The following EREG variants were observed in gnomAD, a reference collection of about 807,000 sequenced individuals.
EREG encodes the protein epiregulin.
In EREG, 23 loss-of-function variants were observed where a neutral mutation model predicts 22.4. That is an observed-to-expected ratio of 1.03 (90% CI 0.74 to 1.46). The LOEUF (loss-of-function observed/expected upper bound fraction) is 1.46, where lower values mean the gene tolerates loss of function less well. Ranked by LOEUF, EREG falls within the 40% of genes most tolerant of loss-of-function variation. The probability of loss-of-function intolerance (pLI) is 0.00; values close to 1 mark genes in which losing one functional copy is unlikely to be tolerated. For synonymous variants in EREG, 100 were observed against 75.4 expected, an observed-to-expected ratio of 1.33 and a Z score of -1.69; for missense variants, 226 against 205.9, an observed-to-expected ratio of 1.10 and a Z score of -0.60.
chr4:74,369,154 A>G (rs1211842825), intron 1 of EREG, among the ~76,000 whole-genome samples: 1 of 152,134 alleles, frequency 6.6e-6, no homozygotes, highest in Non-Finnish European at 1.5e-5. Flanking sequence ...CTCCTTTTTT[A>G]AAAATTTCAG....
chr4:74,387,593 A>G lies in EREG; in HGVS notation c.*2785A>G, dbSNP rs1752593148. ...TGGGTGAAAATAAGACAAAAATAAT[A>G]GTTTTAGTGAGGATGGTGCTGAGTA... On this transcript the variant is annotated 3_prime_UTR_variant, in exon 5 of 5. Transcript: ENST00000244869. The G allele has an allele frequency of 6.6e-6, 1 of 152,238 alleles. No individual in the cohort carries two copies. The highest frequency in any genetic ancestry group is 2.4e-5 in the African/African-American group (1 of 41,464). The allele number at this position is 152,238 out of a possible 1,614,324, so 9.4% of individuals were successfully genotyped here. A position where few individuals can be genotyped will look rare whatever the true frequency, so the allele number is the denominator to read the frequency against.
chr4:74,387,953 A>G lies in EREG; in HGVS notation c.*3145A>G, dbSNP rs1752599285. 1 of 152,212 alleles carries G rather than the reference A, an allele frequency of 6.6e-6. No homozygotes were observed. The highest frequency in any genetic ancestry group is 2.4e-5 in the African/African-American group (1 of 41,454). 9.4% of individuals were successfully genotyped at this position (152,212 alleles called of 1,614,324 possible). A position where few individuals can be genotyped will look rare whatever the true frequency, so the allele number is the denominator to read the frequency against. The stretch of plus-strand genomic sequence containing the variant: ...ATATTATATTAAACATACATAATAC[A>G]ATGTAACTCCACTGTTCTCCTGAAT... On this transcript the variant is annotated 3_prime_UTR_variant, in exon 5 of 5. Coordinates refer to ENST00000244869, the MANE Select transcript of EREG (RefSeq NM_001432.3).
At chr4:74,384,559 T>C (rs895669886) in intron 4 of EREG, among the ~76,000 whole-genome samples, 168 bp from the exon 5 acceptor site, 58 of 130,970 alleles carry the variant, frequency 4.4e-4, no homozygotes, top group African/African-American at 1.5e-3. Flanking sequence ...GCACATCACC[T>C]CTTCATCCCT....
At chr4:74,373,751 TAC>T (rs138641027) in intron 1 of EREG, among the ~76,000 whole-genome samples, 3,495 of 146,996 alleles carry the variant, frequency 0.024, 120 homozygotes, top group African/African-American at 0.077. Flanking sequence ...TATATATCTA[TAC>T]ACACACACAC....
At chr4:74,367,593 T>A (rs1752208854) in intron 1 of EREG, among the ~76,000 whole-genome samples, 1 of 152,192 alleles carries the variant, frequency 6.6e-6, no homozygotes, top group African/African-American at 2.4e-5. Flanking sequence ...TCGTACTTCA[T>A]CAATGAGAGA....
intron 1 of EREG, among the ~76,000 whole-genome samples, chr4:74,368,812 G>A (rs917273548): frequency 1.3e-5 from 2 of 151,562 alleles, no homozygotes; most frequent in African/African-American, 2.4e-5. Context: ...ACATTCCATC[G>A]GGAGACAATG....
chr4:74,378,208 CT>C (rs1752414327), intron 1 of EREG, among the ~76,000 whole-genome samples: 1 of 152,086 alleles, frequency 6.6e-6, no homozygotes, highest in South Asian at 2.1e-4. Context: ...AGGATATATT[CT>C]GATTTTACCT....
rs371135213 is a variant in EREG at position 74,381,069 on chromosome 4, T to G, written c.210T>G (p.Ser70=). Residue 70 remains serine (S), a synonymous_variant, in exon 3 of 5, where the codon TCT becomes TCG. Coordinates refer to ENST00000244869, the MANE Select transcript of EREG (RefSeq NM_001432.3). The part of the protein sequence containing the change: ...VAQVSITKCS[S]DMNGYCLHGQ... ...AAGTGTCAATAACAAAGTGTAGCTC[T>G]GACATGAATGGCTATTGTTTGCATG... 10 of 1,612,684 alleles carry G rather than the reference T, an allele frequency of 6.2e-6. No individual in the cohort carries two copies. The highest frequency in any genetic ancestry group is 7.6e-6 in the Non-Finnish European group (9 of 1,178,750).
chr4:74,368,380 T>G (rs1175860072), intron 1 of EREG, among the ~76,000 whole-genome samples: 2 of 152,240 alleles, frequency 1.3e-5, no homozygotes, highest in African/African-American at 4.8e-5. Flanking sequence ...GGCCCTTATT[T>G]TTATATTTTC....
intron 1 of EREG, among the ~76,000 whole-genome samples, chr4:74,375,537 G>A (rs1752367061): frequency 1.3e-5 from 2 of 149,494 alleles, no homozygotes; most frequent in Admixed American, 1.3e-4. Flanking sequence ...TACCGTGTTA[G>A]CCAGGATGGT....
chr4:74,372,974 ATTTTTT>A (rs35483998), intron 1 of EREG, among the ~76,000 whole-genome samples: 16 of 63,148 alleles, frequency 2.5e-4, no homozygotes, highest in Non-Finnish European at 4.3e-4. Flanking sequence ...CATCTGGCTA[ATTTTTT>A]TTTTTTTTTT....
At chr4:74,370,845 A>G (rs1005813314) in intron 1 of EREG, among the ~76,000 whole-genome samples, 7 of 152,198 alleles carry the variant, frequency 4.6e-5, no homozygotes, top group Admixed American at 3.3e-4. Flanking sequence ...GTTTTCAGAG[A>G]TAAGGCAGCT....
intron 1 of EREG, among the ~76,000 whole-genome samples, chr4:74,370,079 C>T (rs889718709): frequency 6.6e-6 from 1 of 152,158 alleles, no homozygotes; most frequent in Non-Finnish European, 1.5e-5. Flanking sequence ...ACGCTTGTAT[C>T]CTTTACTGTC....
chr4:74,381,741 C>G lies in EREG; in HGVS notation c.278+604C>G, dbSNP rs185909766. The G allele has an allele frequency of 5.2e-3, 783 of 151,754 alleles. 7 individuals carry two copies. Among genetic ancestry groups the G allele is most frequent in the African/African-American group, 0.018 (749 of 41,292 alleles). The allele number at this position is 151,754 out of a possible 1,614,324, so 9.4% of individuals were successfully genotyped here. ...CCTGTAATCCCAGCACTTTGGGAGG[C>G]CGAGGCGGGCGGATCACGGGGTCAG... On this transcript the variant is annotated intron_variant, in intron 3 of 4. Coordinates refer to ENST00000244869, the MANE Select transcript of EREG (RefSeq NM_001432.3).
Position 74,384,579 on chromosome 4 carries a change from T to G in EREG, c.429-148T>G, listed in dbSNP as rs777066109. On this transcript the variant is annotated intron_variant, in intron 4 of 4. Coordinates refer to ENST00000244869, the MANE Select transcript of EREG (RefSeq NM_001432.3). ...TCACCTCTTCATCCCTCTTTTTTTT[T>G]TTTTTTTTAACATTGTCCAACCTAA... 1,229 of 464,984 alleles carry G rather than the reference T, an allele frequency of 2.6e-3. 20 individuals are homozygous for G. Among genetic ancestry groups the G allele is most frequent in the African/African-American group, 0.019 (978 of 50,794 alleles). The allele number at this position is 464,984 out of a possible 1,614,324, so 28.8% of individuals were successfully genotyped here.
chr4:74,374,209 T>C (rs1330266720), intron 1 of EREG, among the ~76,000 whole-genome samples: 1 of 152,236 alleles, frequency 6.6e-6, no homozygotes, highest in African/African-American at 2.4e-5. Flanking sequence ...TTCTGTAATC[T>C]ATCTGATTTT....
At chr4:74,366,237 C>T (rs759141178) in intron 1 of EREG, among the ~76,000 whole-genome samples, 13 of 152,032 alleles carry the variant, frequency 8.6e-5, no homozygotes, top group Non-Finnish European at 1.5e-4. Flanking sequence ...AGTTTGAAGT[C>T]GTATATGAAT....
chr4:74,380,944 T>G (rs1244378154), intron 2 of EREG, 70 bp from the exon 3 acceptor site: 16 of 1,523,558 alleles, frequency 1.1e-5, no homozygotes, highest in Non-Finnish European at 1.4e-5. Flanking sequence ...CAGTGGTTAC[T>G]GTTATGAAAG....
Position 74,380,954 on chromosome 4 carries a change from G to A in EREG, c.155-60G>A, listed in dbSNP as rs1443185812. 29 of 1,564,048 alleles carry A rather than the reference G, an allele frequency of 1.9e-5. No individual in the cohort carries two copies. In the South Asian group the frequency reaches 3.3e-4, roughly 18 times the overall value. ...TAGTTCAGTGGTTACTGTTATGAAAGAGTGAGAAATTCTTCCATGAAGGCT... is the reference window on the plus strand; with the variant it reads ...TAGTTCAGTGGTTACTGTTATGAAAAAGTGAGAAATTCTTCCATGAAGGCT... On this transcript the variant is annotated intron_variant, in intron 2 of 4. Transcript: ENST00000244869.
Sources: allele counts gnomAD v4.1 joint callset (sites outside exome capture counted in the v4.1 genomes callset), GRCh38; gene constraint gnomAD v4.1.1; transcripts MANE v1.5; gene names NCBI Gene and HGNC (gene_info 2026-07-23, HGNC 2026-07-21).